AP2S1: variants seen among roughly 807,000 people sequenced by gnomAD.
AP2S1 encodes the protein adaptor related protein complex 2 subunit sigma 1.
In AP2S1, 6 loss-of-function variants were observed where a neutral mutation model predicts 21.0. The ratio of observed to expected loss-of-function variants is 0.29; its 90% CI spans 0.16 to 0.56. The LOEUF (loss-of-function observed/expected upper bound fraction) is 0.56. AP2S1 is among the 20% of genes least tolerant of loss of function. The pLI is 0.92. For synonymous variants in AP2S1, 63 were observed against 74.6 expected (o/e 0.84, Z 0.80); for missense variants, 60 against 186.2 (o/e 0.32, Z 3.95).
rs2055478283 is a variant in AP2S1, at chr19:46,839,503, T to G, written c.229A>C (p.Asn77His). ...TGAATGGCCTCCAGGTAAGCCAGGT[T>G]GTTGTCATTGACATCCACACAGATG... The part of the protein sequence containing the change: ...FCICVDVNDN[N>H]LAYLEAIHNF... The change falls in exon 3 of 5, where the codon AAC (asparagine) becomes CAC (histidine). Residue 77 changes from asparagine (N) to histidine (H), a missense_variant. Transcript: ENST00000263270. 1 of 1,612,248 alleles carries G rather than the reference T, an allele frequency of 6.2e-7. No individual in the cohort carries two copies. Among genetic ancestry groups the G allele is most frequent in the Non-Finnish European group, 8.5e-7 (1 of 1,178,940 alleles).
intron 1 of AP2S1, among the ~76,000 whole-genome samples, chr19:46,849,208 G>A (rs1053168172): frequency 5.3e-5 from 8 of 150,842 alleles, no homozygotes; most frequent in African/African-American, 4.9e-5. Flanking sequence ...GTCTCACCAC[G>A]TTGGCCAGGC....
At chr19:46,839,654 CA>C in intron 2 of AP2S1, 76 bp from the exon 3 acceptor site, 5 of 1,602,450 alleles carry the variant, frequency 3.1e-6, no homozygotes, top group Non-Finnish European at 4.3e-6. Context: ...CCAAAACATT[CA>C]CTCCTTCACT....
intron 2 of AP2S1, among the ~76,000 whole-genome samples, chr19:46,843,202 C>T (rs1267996419): frequency 6.6e-6 from 1 of 152,164 alleles, no homozygotes; most frequent in African/African-American, 2.4e-5. Flanking sequence ...GGCCATTCAG[C>T]TGGGTCCACC....
intron 2 of AP2S1, among the ~76,000 whole-genome samples, chr19:46,840,664 G>A (rs183026354): frequency 6.6e-6 from 1 of 151,346 alleles, no homozygotes; most frequent in East Asian, 1.9e-4. Flanking sequence ...CTAGGTCTGG[G>A]GTGTGCCTGT....
intron 2 of AP2S1, 168 bp downstream of exon 2, chr19:46,845,825 A>C (rs548388646): frequency 1.2e-6 from 1 of 803,534 alleles, no homozygotes; most frequent in Admixed American, 2.9e-5. Context: ...CACAATGAAA[A>C]GTACAAGTAA....
At position 46,850,543 on chromosome 19, in the gene AP2S1, C is replaced by A. The variant is rs1298743117; in HGVS notation, c.3+221G>T. 9.8e-6 allele frequency: 6 copies of A among 613,382 alleles called. No individual in the cohort carries two copies. In the African/African-American group the frequency reaches 9.8e-5, roughly 10 times the overall value. 38.0% of individuals were successfully genotyped at this position (613,382 alleles called of 1,614,324 possible). A position where few individuals can be genotyped will look rare whatever the true frequency, so the allele number is the denominator to read the frequency against. ...ACAGCCCTTTCCCCTTGGAACACCA[C>A]CCCCAATGCCCGTCGCCGCGAGACC... On this transcript the variant is annotated intron_variant, in intron 1 of 4. Coordinates refer to ENST00000263270, the MANE Select transcript of AP2S1 (RefSeq NM_004069.6).
chr19:46,845,249 A>T (rs1267133432), intron 2 of AP2S1, among the ~76,000 whole-genome samples: 1 of 151,234 alleles, frequency 6.6e-6, no homozygotes, highest in Non-Finnish European at 1.5e-5. Context: ...TCTACCAAAA[A>T]TACAAAATTA....
intron 2 of AP2S1, among the ~76,000 whole-genome samples, chr19:46,842,833 C>T (rs2055548737): frequency 1.3e-5 from 2 of 152,254 alleles, no homozygotes; most frequent in African/African-American, 2.4e-5. Flanking sequence ...TCTTGGTTCT[C>T]CTCTCCCTCA....
chr19:46,846,286 TCC>T, intron 1 of AP2S1, 144 bp from the exon 2 acceptor site: 1 of 1,056,492 alleles, frequency 9.5e-7, no homozygotes, highest in Non-Finnish European at 1.3e-6. Flanking sequence ...TCTCGGCTGC[TCC>T]CCAGACCCAA....
At chr19:46,847,742 C>T (rs557398769) in intron 1 of AP2S1, among the ~76,000 whole-genome samples, 1 of 152,116 alleles carries the variant, frequency 6.6e-6, no homozygotes, top group Non-Finnish European at 1.5e-5. Context: ...TGACGTTTTC[C>T]AGGCTCATCT....
Position 46,838,858 on chromosome 19 carries a change from G to A in AP2S1, c.268-59C>T. 1 of 1,507,208 alleles carries A rather than the reference G, an allele frequency of 6.6e-7. No homozygotes were observed. The highest frequency in any genetic ancestry group is 1.4e-5 in the African/African-American group (1 of 72,766). 93.4% of individuals were successfully genotyped at this position (1,507,208 alleles called of 1,614,324 possible). ...GCAGGGAGAGAGCCACACACGCACA[G>A]AGATGGGAACAAGGTCATCAGAAAG... On this transcript the variant is annotated intron_variant, in intron 3 of 4. Transcript: ENST00000263270. The surrounding 1 kb of genome is among the most constrained non-coding windows in gnomAD (Gnocchi z 4.1).
chr19:46,843,992 C>G (rs2055573794), intron 2 of AP2S1, among the ~76,000 whole-genome samples: 1 of 152,030 alleles, frequency 6.6e-6, no homozygotes, highest in Non-Finnish European at 1.5e-5. Flanking sequence ...CTCACTGCAA[C>G]CTCTGCCTCC....
In AP2S1 at chr19:46,838,424, G is replaced by T; in HGVS notation, c.*23C>A. 6.2e-7 allele frequency: 1 copy of T among 1,611,832 alleles called. No homozygotes were observed. Among genetic ancestry groups the T allele is most frequent in the Non-Finnish European group, 8.5e-7 (1 of 1,178,178 alleles). ...GCAGGCGAGTCCAGGAGGGGCCGGG[G>T]CCGGGGTGGGGCTCGCCTGCCCTCA... On this transcript the variant is annotated 3_prime_UTR_variant, in exon 5 of 5. Transcript: ENST00000263270. The surrounding 1 kb of genome is among the most constrained non-coding windows in gnomAD (Gnocchi z 4.1).
chr19:46,844,184 T>C (rs929885086), intron 2 of AP2S1, among the ~76,000 whole-genome samples: 1 of 151,838 alleles, frequency 6.6e-6, no homozygotes, highest in Non-Finnish European at 1.5e-5. Context: ...ATTACAGGAG[T>C]GAGCCACCGC....
At chr19:46,850,466 G>T in intron 1 of AP2S1, 1 of 718,068 alleles carries the variant, frequency 1.4e-6, no homozygotes, top group Non-Finnish European at 2.0e-6. Context: ...TGTGTCTCAC[G>T]AGTTTCCTCT....
chr19:46,850,770 G>A lies in AP2S1; in HGVS notation c.-4C>T, dbSNP rs761129047. ...CGTAGCGCTCCCCCGTTACCATGGC[G>A]ACCCCCGTCCAGACCCCAGCGGCCC... On this transcript the variant is annotated 5_prime_UTR_variant, in exon 1 of 5. Transcript: ENST00000263270. The A allele has an allele frequency of 3.2e-6, 5 of 1,586,746 alleles. No homozygotes were observed. The highest frequency in any genetic ancestry group is 1.7e-5 in the Admixed American group (1 of 58,234).
intron 2 of AP2S1, among the ~76,000 whole-genome samples, chr19:46,840,867 C>T (rs1381190654): frequency 6.7e-6 from 1 of 150,012 alleles, no homozygotes; most frequent in African/African-American, 2.5e-5. Flanking sequence ...ACAGGCGCGC[C>T]ACCACACCCA....
intron 1 of AP2S1, chr19:46,850,442 G>A (rs2055718035): frequency 2.5e-6 from 2 of 786,804 alleles, no homozygotes; most frequent in Non-Finnish European, 1.8e-6. Flanking sequence ...ATGCCTTCTC[G>A]CTACCCACAA....
At chr19:46,839,439 C>CCCCAAAAAAACCA in intron 3 of AP2S1, 26 bp downstream of exon 3, 2 of 1,569,696 alleles carry the variant, frequency 1.3e-6, no homozygotes, top group Non-Finnish European at 1.7e-6. Context: ...CCCGCCTCCC[C>CCCCAAAAAAACCA]ACCTTACATC....
Sources: allele counts gnomAD v4.1 joint callset (sites outside exome capture counted in the v4.1 genomes callset), GRCh38; gene constraint gnomAD v4.1.1; non-coding constraint Gnocchi (gnomAD v3.1); transcripts MANE v1.5; gene names NCBI Gene and HGNC (gene_info 2026-07-23, HGNC 2026-07-21).